Variants in GRM3 observed in about 807,000 individuals in gnomAD.
The protein encoded by GRM3 is glutamate metabotropic receptor 3, also known as metabotropic glutamate receptor 3.
In GRM3, 26 loss-of-function variants were observed where a neutral mutation model predicts 70.5. That is an observed-to-expected ratio of 0.37 (90% CI 0.27 to 0.51). The LOEUF (loss-of-function observed/expected upper bound fraction) is 0.51, where lower values mean the gene tolerates loss of function less well. GRM3 is among the 20% of genes least tolerant of loss of function. The probability of loss-of-function intolerance (pLI) is 0.93; values close to 1 mark genes in which losing one functional copy is unlikely to be tolerated. For synonymous variants in GRM3, 443 were observed against 434.9 expected (o/e 1.02, Z -0.23); for missense variants, 859 against 1,123.8 (o/e 0.76, Z 3.37).
chr7:86,651,325 A>G (rs775780597), intron 1 of GRM3, among the ~76,000 whole-genome samples: 3 of 152,230 alleles, frequency 2.0e-5, no homozygotes, highest in Non-Finnish European at 4.4e-5. Flanking sequence ...TCGCCCCTCC[A>G]TCTGGTGGAG....
chr7:86,708,268 C>T (rs78828728), intron 1 of GRM3, among the ~76,000 whole-genome samples: 2,539 of 152,236 alleles, frequency 0.017, 92 homozygotes, highest in African/African-American at 0.058. Context: ...AACATTCAGG[C>T]TCCATGCCCA....
chr7:86,858,992 C>T (rs987302493), intron 5 of GRM3, among the ~76,000 whole-genome samples: 27 of 151,836 alleles, frequency 1.8e-4, no homozygotes, highest in African/African-American at 6.3e-4. Flanking sequence ...TTGAAGAGAC[C>T]TTTTTCACTG....
chr7:86,794,618 AC>A (rs1474881456), intron 3 of GRM3, among the ~76,000 whole-genome samples: 1 of 152,220 alleles, frequency 6.6e-6, no homozygotes, highest in Non-Finnish European at 1.5e-5. Context: ...CCTGCCTCTT[AC>A]CAAAAGCACT....
At chr7:86,700,711 C>T (rs972416974) in intron 1 of GRM3, among the ~76,000 whole-genome samples, 1 of 151,840 alleles carries the variant, frequency 6.6e-6, no homozygotes, top group Non-Finnish European at 1.5e-5. Context: ...GATCCTATTC[C>T]TGATGTTTTA....
chr7:86,794,400 C>A (rs1797499219), intron 3 of GRM3, among the ~76,000 whole-genome samples: 1 of 152,126 alleles, frequency 6.6e-6, no homozygotes, highest in Non-Finnish European at 1.5e-5. Flanking sequence ...GAACTTCAAA[C>A]AATTATACTG....
chr7:86,810,244 C>T (rs1797882854), intron 3 of GRM3, among the ~76,000 whole-genome samples: 1 of 151,914 alleles, frequency 6.6e-6, no homozygotes, highest in South Asian at 2.1e-4. Context: ...TAGAAACTTT[C>T]GTTCAATATT....
chr7:86,707,234 T>C (rs151088205), intron 1 of GRM3, among the ~76,000 whole-genome samples: 4 of 152,228 alleles, frequency 2.6e-5, no homozygotes, highest in Non-Finnish European at 5.9e-5. Context: ...TTTTGTGATA[T>C]ATATTAATTT....
chr7:86,720,727 G>A (rs1280503633), intron 1 of GRM3, among the ~76,000 whole-genome samples: 1 of 151,996 alleles, frequency 6.6e-6, no homozygotes, highest in Non-Finnish European at 1.5e-5. Context: ...GTGTATCACT[G>A]TGTAGATCAC....
At chr7:86,767,535 A>G (rs1258032338) in intron 2 of GRM3, among the ~76,000 whole-genome samples, 1 of 86,184 alleles carries the variant, frequency 1.2e-5, no homozygotes, top group African/African-American at 4.4e-5. Context: ...ATATATATAT[A>G]TATATATATA....
At chr7:86,813,440 T>G (rs2116662467) in intron 3 of GRM3, among the ~76,000 whole-genome samples, 1 of 151,996 alleles carries the variant, frequency 6.6e-6, no homozygotes, top group South Asian at 2.1e-4. Context: ...CTGTGTATTC[T>G]CATCACTTAA....
intron 3 of GRM3, among the ~76,000 whole-genome samples, chr7:86,807,873 C>A (rs928421355): frequency 1.3e-5 from 2 of 152,146 alleles, no homozygotes; most frequent in Non-Finnish European, 2.9e-5. Flanking sequence ...ACGATATTGG[C>A]TATGGGTTTG....
At chr7:86,840,253 T>A (rs912320557) in intron 4 of GRM3, among the ~76,000 whole-genome samples, 33 of 152,266 alleles carry the variant, frequency 2.2e-4, no homozygotes, top group African/African-American at 7.2e-4. Flanking sequence ...AAACTAAGAA[T>A]CTAATTGTGA....
At chr7:86,753,145 G>A (rs973254795) in intron 1 of GRM3, among the ~76,000 whole-genome samples, 1 of 152,074 alleles carries the variant, frequency 6.6e-6, no homozygotes, top group South Asian at 2.1e-4. Context: ...AAGAAAGGCA[G>A]AATGCTAGCT....
At chr7:86,722,044 T>A (rs576947445) in intron 1 of GRM3, among the ~76,000 whole-genome samples, 35 of 152,118 alleles carry the variant, frequency 2.3e-4, no homozygotes, top group South Asian at 1.7e-3. Flanking sequence ...ACATAGAAAC[T>A]GAAAATTGAA....
rs376186925 is a variant in GRM3 at position 86,659,398 on chromosome 7, T to A, written c.-141+14526T>A. 8.5e-5 allele frequency among the ~76,000 whole-genome samples: 13 copies of A among 152,274 alleles called. No individual in the cohort carries two copies. The East Asian group carries it at 9.6e-4, about 11-fold the overall frequency. On this transcript the variant is annotated intron_variant, in intron 1 of 5. Coordinates refer to ENST00000361669, the MANE Select transcript of GRM3 (RefSeq NM_000840.3). ...CATGGTAGCCCTATGAGGATTATGC[T>A]ATTATGATCCCTATTTTATGGAAGA... is the stretch of plus-strand genomic sequence containing the variant.
At chr7:86,783,534 T>G (rs1300281338) in intron 2 of GRM3, among the ~76,000 whole-genome samples, 1 of 151,782 alleles carries the variant, frequency 6.6e-6, no homozygotes, top group Non-Finnish European at 1.5e-5. Flanking sequence ...TGTGTGTGTA[T>G]GTACATACCC....
chr7:86,649,376 T>A lies in GRM3; in HGVS notation c.-141+4504T>A, dbSNP rs111532654. On this transcript the variant is annotated intron_variant, in intron 1 of 5. Coordinates refer to ENST00000361669, the MANE Select transcript of GRM3 (RefSeq NM_000840.3). ...TATTTCTTCATCATATTGAACAATC[T>A]TTTTATTGAACTGGAAATTGTACAC... Among the ~76,000 whole-genome samples the A allele has an allele frequency of 6.9e-3, 1,046 of 152,294 alleles. 19 individuals are homozygous for A. The highest frequency in any genetic ancestry group is 0.024 in the African/African-American group (981 of 41,562).
intron 1 of GRM3, among the ~76,000 whole-genome samples, chr7:86,727,189 A>T (rs928408439): frequency 5.9e-5 from 9 of 152,172 alleles, no homozygotes; most frequent in African/African-American, 1.7e-4. Flanking sequence ...TTTGTGGAAG[A>T]TCTTAATGGA....
At chr7:86,717,641 T>G (rs1795349775) in intron 1 of GRM3, among the ~76,000 whole-genome samples, 1 of 151,978 alleles carries the variant, frequency 6.6e-6, no homozygotes. Flanking sequence ...TGGTTAGCCA[T>G]TTTAGAGCAA....
Sources: gnomAD v4.1 joint callset for allele counts (sites outside exome capture counted in the v4.1 genomes callset) on GRCh38, gnomAD v4.1.1 for gene constraint, MANE v1.5 for transcripts, NCBI Gene and HGNC (gene_info 2026-07-23, HGNC 2026-07-21) for gene names.